TCF12: variants seen among roughly 807,000 people sequenced by gnomAD.
The protein encoded by TCF12 is DNA-binding protein HTF4.
TCF12 carries 45 observed loss-of-function variants against 86.0 expected under a neutral mutation model. The ratio of observed to expected loss-of-function variants is 0.52; its 90% CI spans 0.41 to 0.67. The LOEUF (loss-of-function observed/expected upper bound fraction) is 0.67. Among genes scored for constraint, TCF12 ranks in the 30% least tolerant of loss-of-function variants. TCF12 has a pLI of 0.00. For missense variants in TCF12, 881 were observed against 859.9 expected (o/e 1.02, Z -0.31); for synonymous variants, 330 against 299.6 (o/e 1.10, Z -1.05).
chr15:56,973,811 A>T (rs1449169122), intron 3 of TCF12, among the ~76,000 whole-genome samples: 4 of 152,142 alleles, frequency 2.6e-5, no homozygotes, highest in Admixed American at 2.6e-4. Context: ...TTTTATCACC[A>T]GTAAAGGGAC....
At chr15:57,085,081 A>G (rs549690603) in intron 4 of TCF12, among the ~76,000 whole-genome samples, 5 of 151,926 alleles carry the variant, frequency 3.3e-5, no homozygotes, top group African/African-American at 1.2e-4. Context: ...CCAGTTCAAG[A>G]CTCGCTCTTC....
chr15:57,187,023 A>C (rs765543575), intron 6 of TCF12, among the ~76,000 whole-genome samples: 8 of 152,152 alleles, frequency 5.3e-5, no homozygotes, highest in Non-Finnish European at 1.2e-4. Context: ...TCTACTAAAA[A>C]TACAAAAATT....
intron 3 of TCF12, among the ~76,000 whole-genome samples, chr15:57,022,787 G>A (rs2065578320): frequency 6.6e-6 from 1 of 152,162 alleles, no homozygotes; most frequent in African/African-American, 2.4e-5. Context: ...GTATCTCATT[G>A]TGGTTTTGAT....
chr15:57,168,165 A>G (rs146807057), intron 6 of TCF12, among the ~76,000 whole-genome samples: 1 of 152,302 alleles, frequency 6.6e-6, no homozygotes, highest in Non-Finnish European at 1.5e-5. Flanking sequence ...ATAAATAAAA[A>G]CAAGCAAAAC....
intron 6 of TCF12, among the ~76,000 whole-genome samples, chr15:57,180,545 C>G (rs1299263801): frequency 5.3e-5 from 8 of 152,012 alleles, no homozygotes; most frequent in Non-Finnish European, 1.2e-4. Context: ...TCCACATACT[C>G]CCTCCCCCAA....
intron 3 of TCF12, among the ~76,000 whole-genome samples, chr15:57,023,852 A>G (rs771866788): frequency 1.3e-5 from 2 of 152,120 alleles, no homozygotes; most frequent in Admixed American, 1.3e-4. Flanking sequence ...GTTGTAGGGG[A>G]TAGTTTTGGG....
rs869113042 is a variant in TCF12, at chr15:57,136,958, G to GTTTTTT, written c.326-29438_326-29433dup. On this transcript the variant is annotated intron_variant, in intron 5 of 20. Transcript: ENST00000333725. ...TAGACAATAGCCACTGCTTCTGGCA[G>GTTTTTT]TTTTTTTTTTTGTTTTTTTTTTTTT... Among the ~76,000 whole-genome samples the GTTTTTT allele has an allele frequency of 1.7e-3, 142 of 83,044 alleles. 57 individuals carry two copies. The highest frequency in any genetic ancestry group is 3.1e-3 in the East Asian group (8 of 2,586). 54.5% of individuals were successfully genotyped at this position (83,044 alleles called of 152,430 possible).
chr15:56,974,999 A>G (rs1267167789), intron 3 of TCF12, among the ~76,000 whole-genome samples: 1 of 152,170 alleles, frequency 6.6e-6, no homozygotes, highest in Non-Finnish European at 1.5e-5. Context: ...AGTTTCGAAT[A>G]GTGGACCTCC....
In TCF12 at chr15:56,923,843, C is replaced by T. The variant is rs2059895441; in HGVS notation, c.148+2745C>T. ...TTGAGCATCTCTCTGGTGTTTCTAT[C>T]TAGAATGTCATTTTAACTATTAAGT... On this transcript the variant is annotated intron_variant, in intron 3 of 20. Transcript: ENST00000333725. Among the ~76,000 whole-genome samples, 5 of 152,052 alleles carry T rather than the reference C, an allele frequency of 3.3e-5. No individual in the cohort carries two copies. The South Asian group carries it at 1.0e-3, about 32-fold the overall frequency.
At chr15:57,219,738 T>TG in intron 8 of TCF12, 1 of 671,514 alleles carries the variant, frequency 1.5e-6, no homozygotes, top group South Asian at 2.9e-5. Flanking sequence ...TTTTTTTTTT[T>TG]GCGGGGGGAC....
chr15:57,074,501 G>A (rs1027070944), intron 4 of TCF12, among the ~76,000 whole-genome samples: 4 of 151,996 alleles, frequency 2.6e-5, no homozygotes, highest in African/African-American at 9.7e-5. Flanking sequence ...CAAGAAGTTT[G>A]TTTGTTTGTT....
intron 5 of TCF12, among the ~76,000 whole-genome samples, chr15:57,156,188 G>A (rs574167743): frequency 2.6e-5 from 4 of 152,292 alleles, no homozygotes; most frequent in South Asian, 4.1e-4. Flanking sequence ...ATTTTTAGCA[G>A]CTTATCCTTT....
chr15:56,954,654 AT>A (rs2061423730), intron 3 of TCF12, among the ~76,000 whole-genome samples: 1 of 152,200 alleles, frequency 6.6e-6, no homozygotes, highest in Admixed American at 6.5e-5. Context: ...ATGGGAGAAG[AT>A]TTTTGCAATC....
rs1372877137 is a variant in TCF12, at chr15:57,282,476, TAAGAG to T, written c.2014_2018del (p.Arg672GlyfsTer24). ...ACCTTAACCCCAAAGCAGCCTGCCT[TAAGAG>T]AAGGGAAGAAGAAAAAGTTTCTGCC... On this transcript the variant is annotated frameshift_variant, in exon 20 of 21. Coordinates refer to ENST00000333725, the MANE Select transcript of TCF12 (RefSeq NM_207037.2). LOFTEE classifies it high-confidence loss of function. 1 of 1,614,180 alleles carries T rather than the reference TAAGAG, an allele frequency of 6.2e-7. No individual in the cohort carries two copies. Among genetic ancestry groups the T allele is most frequent in the Non-Finnish European group, 8.5e-7 (1 of 1,180,026 alleles).
At position 57,075,825 on chromosome 15, in the gene TCF12, TC is replaced by T. The variant is rs1567371040; in HGVS notation, c.222+12003del. On this transcript the variant is annotated intron_variant, in intron 4 of 20. Coordinates refer to ENST00000333725, the MANE Select transcript of TCF12 (RefSeq NM_207037.2). ...TTCTTTCTCTCTCTCTCTCTCTCTC[TC>T]TCTCTCTCTTTTCTTTCTTTCTTTC... is the stretch of plus-strand genomic sequence containing the variant. Among the ~76,000 whole-genome samples the T allele has an allele frequency of 4.6e-3, 370 of 80,432 alleles. 2 individuals are homozygous for T. Among genetic ancestry groups the T allele is most frequent in the Middle Eastern group, 0.013 (2 of 154 alleles). The allele number at this position is 80,432 out of a possible 152,430, so 52.8% of individuals were successfully genotyped here.
chr15:57,268,983 A>G (rs2060997787), intron 18 of TCF12, among the ~76,000 whole-genome samples: 1 of 152,144 alleles, frequency 6.6e-6, no homozygotes, highest in African/African-American at 2.4e-5. Context: ...TGTGGTGCTG[A>G]GAAGAGTGTA....
At position 57,216,997 on chromosome 15, in the gene TCF12, T is replaced by C. The variant is rs542419471; in HGVS notation, c.580-14155T>C. ...TTATAGATACAGGCATAGAGTTTTG[T>C]TGTTGTTGTTTTTTTAAGTTTTTAT... On this transcript the variant is annotated intron_variant, in intron 8 of 20. Coordinates refer to ENST00000333725, the MANE Select transcript of TCF12 (RefSeq NM_207037.2). 2.4e-3 allele frequency among the ~76,000 whole-genome samples: 367 copies of C among 152,034 alleles called. 6 individuals carry two copies. Among genetic ancestry groups the C allele is most frequent in the Admixed American group, 0.022 (337 of 15,274 alleles).
intron 4 of TCF12, among the ~76,000 whole-genome samples, chr15:57,069,670 AG>A (rs1469639709): frequency 1.3e-5 from 2 of 152,216 alleles, no homozygotes; most frequent in Non-Finnish European, 2.9e-5. Context: ...AGTTAATGAC[AG>A]CCTCTGGCAT....
intron 5 of TCF12, among the ~76,000 whole-genome samples, chr15:57,151,495 G>C (rs558990738): frequency 1.3e-5 from 2 of 152,028 alleles, no homozygotes; most frequent in African/African-American, 4.8e-5. Flanking sequence ...GGCCAGGCAC[G>C]GTGGCTCACG....
Sources: gnomAD v4.1 joint callset for allele counts (sites outside exome capture counted in the v4.1 genomes callset) on GRCh38, gnomAD v4.1.1 for gene constraint, MANE v1.5 for transcripts, NCBI Gene and HGNC (gene_info 2026-07-23, HGNC 2026-07-21) for gene names.